DAOA: variants seen among roughly 807,000 people sequenced by gnomAD.
The protein encoded by DAOA is D-amino acid oxidase regulator.
In DAOA, 15 loss-of-function variants were observed where a neutral mutation model predicts 16.4. The observed-to-expected ratio is 0.91, with a 90% CI of 0.61 to 1.41. DAOA has a LOEUF of 1.41. Ranked by LOEUF, DAOA falls within the 40% of genes most tolerant of loss-of-function variation. The pLI, the probability that DAOA is intolerant of heterozygous loss-of-function variation, is 0.00. For synonymous variants in DAOA, 75 were observed against 59.1 expected (o/e 1.27, Z -1.23); for missense variants, 230 against 176.8 (o/e 1.30, Z -1.71).
intron 3 of DAOA, among the ~76,000 whole-genome samples, chr13:105,469,307 T>C (rs533763067): frequency 2.0e-5 from 3 of 152,346 alleles, no homozygotes; most frequent in South Asian, 4.1e-4. Context: ...CTCTTCAACT[T>C]GCAAATTTTT....
intron 3 of DAOA, among the ~76,000 whole-genome samples, chr13:105,472,267 G>C (rs939235307): frequency 6.6e-6 from 1 of 152,128 alleles, no homozygotes; most frequent in Non-Finnish European, 1.5e-5. Context: ...TGATATTTTT[G>C]TTTTACTGTA....
rs949859254 is a variant in DAOA at position 105,466,312 on chromosome 13, T to C, written c.24T>C (p.Ala8=). 6.2e-6 allele frequency: 10 copies of C among 1,613,970 alleles called. No individual in the cohort carries two copies. In the African/African-American group the frequency reaches 1.1e-4, roughly 17 times the overall value. The change falls in exon 2 of 6, where the codon GCT becomes GCC. Residue 8 remains alanine, a synonymous_variant. Transcript: ENST00000375936. ...AAATGCTGGAAAAGCTGATGGGTGC[T>C]GATTCTCTCCAGCTTTTCAGGTAGG... is the stretch of plus-strand genomic sequence containing the variant. MLEKLMG[A]DSLQLFRSRY...
chr13:105,466,390 T>A, intron 2 of DAOA, 58 bp downstream of exon 2: 2 of 1,612,004 alleles, frequency 1.2e-6, no homozygotes, highest in Non-Finnish European at 1.7e-6. Flanking sequence ...GACATTTGCA[T>A]GGCAGCACAG....
At chr13:105,477,031 GAAC>G (rs1286781977) in intron 4 of DAOA, 2 of 152,220 alleles carry the variant, frequency 1.3e-5, no homozygotes, top group African/African-American at 2.4e-5. Context: ...GCTAGTGGAA[GAAC>G]AACGTCACTC....
chr13:105,489,971 G>C lies in DAOA; in HGVS notation c.352G>C (p.Ala118Pro). ...ARNYEFLAYE[A>P]SKDRRQPLER... ...AAACTATGAGTTCCTTGCCTATGAG[G>C]CCTCTAAGGACCGCAGGCAGCCTCT... The change falls in exon 5 of 6, where the codon GCC (alanine) becomes CCC (proline). Residue 118 changes from alanine to proline, a missense_variant. Ala to Pro is a conservative substitution (Grantham distance 27). Transcript: ENST00000375936. 2 of 1,613,646 alleles carry C rather than the reference G, an allele frequency of 1.2e-6. No individual in the cohort carries two copies. Among genetic ancestry groups the C allele is most frequent in the Non-Finnish European group, 1.7e-6 (2 of 1,179,836 alleles).
At chr13:105,489,825 A>T in intron 4 of DAOA, 76 bp from the exon 5 acceptor site, 1 of 1,613,236 alleles carries the variant, frequency 6.2e-7, no homozygotes, top group South Asian at 1.1e-5. Flanking sequence ...AACATGGGAA[A>T]GGTGATGACA....
chr13:105,478,721 T>G (rs1877510008), intron 4 of DAOA, among the ~76,000 whole-genome samples: 1 of 152,180 alleles, frequency 6.6e-6, no homozygotes. Context: ...AAAAATAATT[T>G]TATTTTAATG....
intron 4 of DAOA, among the ~76,000 whole-genome samples, chr13:105,488,500 C>A (rs1878288856): frequency 1.3e-5 from 2 of 152,172 alleles, no homozygotes; most frequent in South Asian, 4.1e-4. Context: ...CACATAACAT[C>A]TTACGTATAT....
intron 4 of DAOA, among the ~76,000 whole-genome samples, chr13:105,473,055 C>T (rs940978532): frequency 1.3e-5 from 2 of 151,966 alleles, no homozygotes; most frequent in Non-Finnish European, 2.9e-5. Flanking sequence ...CTCTTTAGAA[C>T]CTCAAGGCTA....
intron 2 of DAOA, among the ~76,000 whole-genome samples, chr13:105,466,702 T>A (rs1169440230): frequency 6.6e-6 from 1 of 152,162 alleles, no homozygotes; most frequent in Non-Finnish European, 1.5e-5. Context: ...TGTTTAGCAC[T>A]GTGTAGAACT....
chr13:105,484,617 T>C (rs1877983780), intron 4 of DAOA, among the ~76,000 whole-genome samples: 1 of 152,204 alleles, frequency 6.6e-6, no homozygotes, highest in African/African-American at 2.4e-5. Context: ...ATATTGTTCT[T>C]TGCTCTTGTA....
intron 3 of DAOA, among the ~76,000 whole-genome samples, chr13:105,469,075 A>T (rs1438005480): frequency 6.6e-6 from 1 of 152,212 alleles, no homozygotes; most frequent in Non-Finnish European, 1.5e-5. Flanking sequence ...CATGTATATA[A>T]GCAGAAGTAG....
chr13:105,487,321 C>CT (rs1011618132), intron 4 of DAOA, among the ~76,000 whole-genome samples: 24 of 152,098 alleles, frequency 1.6e-4, no homozygotes, highest in African/African-American at 5.3e-4. Context: ...AGTCCATGTT[C>CT]TTTTTTAAAA....
At chr13:105,475,355 C>T (rs183924296) in intron 4 of DAOA, among the ~76,000 whole-genome samples, 1 of 152,238 alleles carries the variant, frequency 6.6e-6, no homozygotes, top group African/African-American at 2.4e-5. Flanking sequence ...CCTCTCTCTT[C>T]CCAAAAGATA....
intron 4 of DAOA, among the ~76,000 whole-genome samples, chr13:105,488,424 G>A (rs1460053430): frequency 3.3e-5 from 5 of 152,112 alleles, no homozygotes; most frequent in Non-Finnish European, 4.4e-5. Flanking sequence ...TACACACAAT[G>A]CTATTTGTAA....
At chr13:105,483,203 G>C (rs546841849) in intron 4 of DAOA, among the ~76,000 whole-genome samples, 14 of 152,156 alleles carry the variant, frequency 9.2e-5, no homozygotes, top group African/African-American at 3.1e-4. Flanking sequence ...TCTCATCTTC[G>C]TTGAGTCGTA....
At chr13:105,485,041 T>C (rs963864155) in intron 4 of DAOA, among the ~76,000 whole-genome samples, 1 of 152,208 alleles carries the variant, frequency 6.6e-6, no homozygotes, top group African/African-American at 2.4e-5. Flanking sequence ...CTGGTCCTTT[T>C]TGTTCATATT....
chr13:105,484,416 T>G (rs950524758), intron 4 of DAOA, among the ~76,000 whole-genome samples: 1 of 152,174 alleles, frequency 6.6e-6, no homozygotes, highest in Non-Finnish European at 1.5e-5. Flanking sequence ...TGGGGACAAC[T>G]GACATCTTAA....
intron 4 of DAOA, among the ~76,000 whole-genome samples, chr13:105,478,887 T>C (rs1245354113): frequency 1.3e-5 from 2 of 152,198 alleles, no homozygotes; most frequent in Admixed American, 1.3e-4. Flanking sequence ...AAAAAATGGG[T>C]GATCTTCAAT....
Sources: gnomAD v4.1 joint callset for allele counts (sites outside exome capture counted in the v4.1 genomes callset) on GRCh38, gnomAD v4.1.1 for gene constraint, MANE v1.5 for transcripts, NCBI Gene and HGNC (gene_info 2026-07-23, HGNC 2026-07-21) for gene names.